Variants in GYS2 observed in about 807,000 individuals in gnomAD.
GYS2 encodes the protein glycogen [starch] synthase, liver.
Under a neutral mutation model 85.6 loss-of-function variants are expected in GYS2, and 80 were observed. The ratio of observed to expected loss-of-function variants is 0.93; its 90% CI spans 0.78 to 1.13. The LOEUF (loss-of-function observed/expected upper bound fraction) is 1.13. Among genes scored for constraint, GYS2 ranks in the 50% most tolerant of loss-of-function variants. The pLI is 0.00. For missense variants in GYS2, 881 were observed against 854.9 expected, an observed-to-expected ratio of 1.03 and a Z score of -0.38; for synonymous variants, 328 against 300.7, an observed-to-expected ratio of 1.09 and a Z score of -0.94.
At chr12:21,602,330 G>C (rs1448640307) in intron 1 of GYS2, among the ~76,000 whole-genome samples, 1 of 152,052 alleles carries the variant, frequency 6.6e-6, no homozygotes, top group Non-Finnish European at 1.5e-5. Flanking sequence ...CCATTTGCTT[G>C]ATCATTAAAT....
chr12:21,567,467 A>G (rs74066711), intron 5 of GYS2, among the ~76,000 whole-genome samples: 229 of 152,248 alleles, frequency 1.5e-3, no homozygotes, highest in African/African-American at 5.2e-3. Flanking sequence ...TTGGAAAGAA[A>G]AAAGGCTACT....
chr12:21,556,166 T>A (rs997445154), intron 11 of GYS2, among the ~76,000 whole-genome samples: 2 of 152,168 alleles, frequency 1.3e-5, no homozygotes, highest in Non-Finnish European at 2.9e-5. Flanking sequence ...TTCAACCTAG[T>A]CTTTTTAATT....
At chr12:21,601,084 C>T (rs990228468) in intron 1 of GYS2, among the ~76,000 whole-genome samples, 1 of 151,994 alleles carries the variant, frequency 6.6e-6, no homozygotes, top group Admixed American at 6.6e-5. Context: ...TTTAATGATC[C>T]TAAATATCCT....
chr12:21,550,267 TGTCATTGGCCTATTA>T (rs986565476), intron 11 of GYS2, among the ~76,000 whole-genome samples: 15 of 151,822 alleles, frequency 9.9e-5, no homozygotes, highest in African/African-American at 3.6e-4. Flanking sequence ...GTGTGCTCAT[TGTCATTGGCCTATTA>T]CTTCCCCCAA....
At chr12:21,562,337 T>C (rs2136880795) in intron 7 of GYS2, among the ~76,000 whole-genome samples, 1 of 152,080 alleles carries the variant, frequency 6.6e-6, no homozygotes, top group East Asian at 1.9e-4. Flanking sequence ...CTATAGAGAG[T>C]TCGTGCTGTC....
intron 4 of GYS2, among the ~76,000 whole-genome samples, chr12:21,569,518 T>C (rs1944361443): frequency 6.6e-6 from 1 of 152,170 alleles, no homozygotes; most frequent in Non-Finnish European, 1.5e-5. Flanking sequence ...CCTTTATAAT[T>C]GCAAAGAGTG....
At chr12:21,587,526 C>G (rs1408706186) in intron 1 of GYS2, among the ~76,000 whole-genome samples, 2 of 152,226 alleles carry the variant, frequency 1.3e-5, no homozygotes, top group Middle Eastern at 6.8e-3. Flanking sequence ...GGCACTTCTA[C>G]TTGCTGCTGC....
At chr12:21,568,322 T>C (rs779161926) in intron 5 of GYS2, among the ~76,000 whole-genome samples, 7 of 152,188 alleles carry the variant, frequency 4.6e-5, no homozygotes, top group Non-Finnish European at 7.3e-5. Flanking sequence ...TGTCTTCCTT[T>C]GGGCCAATCA....
chr12:21,541,298 A>AAAC (rs1943973457), intron 13 of GYS2, among the ~76,000 whole-genome samples: 1 of 148,276 alleles, frequency 6.7e-6, no homozygotes, highest in South Asian at 2.2e-4. Flanking sequence ...AAAACAAAAA[A>AAAC]CCCAGGGAAA....
chr12:21,599,004 A>T (rs530865978), intron 1 of GYS2, among the ~76,000 whole-genome samples: 20 of 152,056 alleles, frequency 1.3e-4, no homozygotes, highest in African/African-American at 4.3e-4. Flanking sequence ...ACTAAAAATC[A>T]CTATTTCAAA....
chr12:21,553,868 A>G (rs184575055), intron 11 of GYS2, among the ~76,000 whole-genome samples: 26 of 152,224 alleles, frequency 1.7e-4, no homozygotes, highest in African/African-American at 6.0e-4. Flanking sequence ...ATAGTTCTGA[A>G]TTTGTGTTAG....
intron 5 of GYS2, among the ~76,000 whole-genome samples, chr12:21,568,045 C>T (rs1467756120): frequency 6.6e-6 from 1 of 151,524 alleles, no homozygotes; most frequent in Non-Finnish European, 1.5e-5. Context: ...GCACTCCAGC[C>T]TGGGCAATGG....
intron 13 of GYS2, among the ~76,000 whole-genome samples, chr12:21,541,336 C>T (rs1943974318): frequency 6.8e-6 from 1 of 147,096 alleles, no homozygotes; most frequent in South Asian, 2.2e-4. Context: ...ACAATATATC[C>T]CATTTTAACT....
chr12:21,572,634 C>A (rs188120300), intron 4 of GYS2, among the ~76,000 whole-genome samples: 165 of 152,200 alleles, frequency 1.1e-3, no homozygotes, highest in Middle Eastern at 3.4e-3. Flanking sequence ...ACTTAAGTAT[C>A]TCAACCAGTG....
intron 1 of GYS2, among the ~76,000 whole-genome samples, chr12:21,590,460 G>A (rs1302929064): frequency 6.6e-6 from 1 of 152,158 alleles, no homozygotes; most frequent in Non-Finnish European, 1.5e-5. Flanking sequence ...GGCACCTCCT[G>A]CATGTGCCAC....
chr12:21,595,251 C>G (rs992307263), intron 1 of GYS2, among the ~76,000 whole-genome samples: 2 of 152,180 alleles, frequency 1.3e-5, no homozygotes, highest in Non-Finnish European at 2.9e-5. Flanking sequence ...ACTGCAAGAA[C>G]AAACCAGCAA....
chr12:21,545,276 T>C (rs112501249), intron 12 of GYS2, among the ~76,000 whole-genome samples: 1 of 152,140 alleles, frequency 6.6e-6, no homozygotes, highest in African/African-American at 2.4e-5. Context: ...AACCTGTCTC[T>C]ACTAAAAACA....
intron 4 of GYS2, among the ~76,000 whole-genome samples, chr12:21,572,233 C>T (rs1425396808): frequency 6.6e-6 from 1 of 152,098 alleles, no homozygotes; most frequent in Non-Finnish European, 1.5e-5. Flanking sequence ...TAATTGGCTA[C>T]TAACAAAAAT....
chr12:21,579,246 A>G (rs1944480340), intron 2 of GYS2, among the ~76,000 whole-genome samples: 1 of 152,154 alleles, frequency 6.6e-6, no homozygotes, highest in Admixed American at 6.5e-5. Context: ...TTATTATCTT[A>G]CAGATATTGA....
Sources: allele counts gnomAD v4.1 joint callset (sites outside exome capture counted in the v4.1 genomes callset), GRCh38; gene constraint gnomAD v4.1.1; transcripts MANE v1.5; gene names NCBI Gene and HGNC (gene_info 2026-07-23, HGNC 2026-07-21).